Variants in PTPN22 observed in about 807,000 individuals in gnomAD.
PTPN22 encodes the protein protein tyrosine phosphatase non-receptor type 22.
Under a neutral mutation model 103.3 loss-of-function variants are expected in PTPN22, and 85 were observed. That is an observed-to-expected ratio of 0.82 (90% confidence interval 0.69 to 0.99). PTPN22 has a LOEUF of 0.99. PTPN22 is among the 50% of genes least tolerant of loss of function. PTPN22 has a pLI of 0.00. For synonymous variants in PTPN22, 323 were observed against 310.2 expected, an observed-to-expected ratio of 1.04 and a Z score of -0.43; for missense variants, 865 against 936.9, an observed-to-expected ratio of 0.92 and a Z score of 1.00.
chr1:113,864,748 T>C (rs1665968963), intron 1 of PTPN22, among the ~76,000 whole-genome samples: 1 of 150,404 alleles, frequency 6.6e-6, no homozygotes, highest in East Asian at 2.0e-4. Flanking sequence ...TTGTCTCTAC[T>C]AAAAACACAA....
At chr1:113,826,999 C>T (rs1447095384) in intron 18 of PTPN22, among the ~76,000 whole-genome samples, 3 of 152,136 alleles carry the variant, frequency 2.0e-5, no homozygotes, top group African/African-American at 7.2e-5. Context: ...TTCAAGGAAC[C>T]TACCCAAATT....
chr1:113,843,541 T>C (rs966802749), intron 11 of PTPN22, among the ~76,000 whole-genome samples: 1 of 151,800 alleles, frequency 6.6e-6, no homozygotes, highest in Non-Finnish European at 1.5e-5. Context: ...GAGGGGAGAA[T>C]AGGGAGTTAT....
At position 113,838,438 on chromosome 1, in the gene PTPN22, C is replaced by T. The variant is rs748302810; in HGVS notation, c.993-31G>A. 11 of 1,585,098 alleles carry T rather than the reference C, an allele frequency of 6.9e-6. No individual in the cohort carries two copies. The Admixed American group carries it at 1.8e-4, about 26-fold the overall frequency. On this transcript the variant is annotated intron_variant, in intron 12 of 20. Coordinates refer to ENST00000359785, the Ensembl canonical transcript of PTPN22. ...ACAAAAAGAAAGCGTAATGATGACA[C>T]CATACCCCAAACAGGCCGCTTCCTA... is the stretch of plus-strand genomic sequence containing the variant.
rs181066408 is a variant in PTPN22, at chr1:113,842,052, A to T, written c.916-3432T>A. Among the ~76,000 whole-genome samples the T allele has an allele frequency of 1.1e-3, 163 of 151,742 alleles. 1 individual carries two copies. The highest frequency in any genetic ancestry group is 7.9e-3 in the East Asian group (41 of 5,166). ...AGACCCTGTCTCTAAAAAAAAAATT[A>T]AAAAAAAATTAGCTTGGTGTGGTAG... On this transcript the variant is annotated intron_variant, in intron 11 of 20. Coordinates refer to ENST00000359785, the Ensembl canonical transcript of PTPN22.
chr1:113,835,908 C>T (rs1320248476), intron 13 of PTPN22, among the ~76,000 whole-genome samples: 1 of 147,252 alleles, frequency 6.8e-6, no homozygotes, highest in East Asian at 1.9e-4. Context: ...TTGTTACAAT[C>T]CCTGAAAATA....
At chr1:113,851,604 C>A (rs1021924015) in intron 10 of PTPN22, among the ~76,000 whole-genome samples, 1 of 152,120 alleles carries the variant, frequency 6.6e-6, no homozygotes, top group Admixed American at 6.5e-5. Context: ...AGACTGAATT[C>A]TCCATATTCT....
chr1:113,847,297 C>T, intron 11 of PTPN22, among the ~76,000 whole-genome samples: 1 of 136,598 alleles, frequency 7.3e-6, no homozygotes, highest in Non-Finnish European at 1.6e-5. Context: ...ATGTTTTTAC[C>T]TTTTTTATTT....
chr1:113,859,703 A>T (rs1665402120), intron 1 of PTPN22, among the ~76,000 whole-genome samples: 1 of 152,240 alleles, frequency 6.6e-6, no homozygotes. Flanking sequence ...CTTAAAAGTG[A>T]AACTTGTGAA....
In PTPN22 at chr1:113,863,920, TA is replaced by T. The variant is rs201185599; in HGVS notation, c.88-4461del. Among the ~76,000 whole-genome samples, 822 of 102,422 alleles carry T rather than the reference TA, an allele frequency of 8.0e-3. 3 individuals carry two copies. Among genetic ancestry groups the T allele is most frequent in the South Asian group, 0.011 (39 of 3,630 alleles). 67.2% of individuals were successfully genotyped at this position (102,422 alleles called of 152,430 possible). A position where few individuals can be genotyped will look rare whatever the true frequency, so the allele number is the denominator to read the frequency against. On this transcript the variant is annotated intron_variant, in intron 1 of 20. Transcript: ENST00000359785. ...TATATTTAATAAATATATATATATATATATATATTTTTTTTTGACATGGGAT... is the reference window on the plus strand; with the variant it reads ...TATATTTAATAAATATATATATATATTATATATTTTTTTTTGACATGGGAT...
chr1:113,851,092 G>T (rs990139462), intron 10 of PTPN22, among the ~76,000 whole-genome samples: 10 of 152,208 alleles, frequency 6.6e-5, no homozygotes, highest in Non-Finnish European at 1.5e-4. Flanking sequence ...CTAATGGAGT[G>T]AACAAGTATG....
At chr1:113,864,759 A>C (rs1340837378) in intron 1 of PTPN22, among the ~76,000 whole-genome samples, 1 of 152,130 alleles carries the variant, frequency 6.6e-6, no homozygotes, top group Non-Finnish European at 1.5e-5. Flanking sequence ...AAAAACACAA[A>C]AAATTAGCCG....
chr1:113,869,130 C>T (rs1016367855), intron 1 of PTPN22, among the ~76,000 whole-genome samples: 2 of 152,148 alleles, frequency 1.3e-5, no homozygotes, highest in Admixed American at 1.3e-4. Context: ...GCAGGAAAAT[C>T]GCTTGAACCA....
rs115270552 is a variant in PTPN22 at position 113,840,070 on chromosome 1, G to A, written c.916-1450C>T. On this transcript the variant is annotated intron_variant, in intron 11 of 20. Coordinates refer to ENST00000359785, the Ensembl canonical transcript of PTPN22. Reference sequence around the variant, plus strand: ...CTATTAAAAATATAAAAATTAGCCGGGCATGTGGTGCACACCTGTAATCCC... The same window carrying A: ...CTATTAAAAATATAAAAATTAGCCGAGCATGTGGTGCACACCTGTAATCCC... Among the ~76,000 whole-genome samples, 815 of 151,960 alleles carry A rather than the reference G, an allele frequency of 5.4e-3. 7 individuals are homozygous for A. Among genetic ancestry groups the A allele is most frequent in the African/African-American group, 0.019 (777 of 41,468 alleles).
At position 113,834,996 on chromosome 1, in the gene PTPN22, A is replaced by G. The variant is rs764452667; in HGVS notation, c.1811-3T>C. Reference sequence around the variant, plus strand: ...ATCATCTATCCTTGGAGCAGTTGCTATCCAAAATGTCAAAAATATTGTAAC... The same window carrying G: ...ATCATCTATCCTTGGAGCAGTTGCTGTCCAAAATGTCAAAAATATTGTAAC... On this transcript the variant is annotated splice_region_variant and splice_polypyrimidine_tract_variant and intron_variant, in intron 13 of 20. Transcript: ENST00000359785. 7 of 1,522,840 alleles carry G rather than the reference A, an allele frequency of 4.6e-6. No homozygotes were observed. The South Asian group carries it at 8.9e-5, about 19-fold the overall frequency. 94.3% of individuals were successfully genotyped at this position (1,522,840 alleles called of 1,614,324 possible). A position where few individuals can be genotyped will look rare whatever the true frequency, so the allele number is the denominator to read the frequency against.
exon 13 of PTPN22, chr1:113,837,986 A>G (rs1368807286): frequency 6.2e-7 from 1 of 1,614,004 alleles, no homozygotes; most frequent in African/African-American, 1.3e-5. Flanking sequence ...TGAGATTCCA[A>G]ATAAGAAAAG....
chr1:113,847,811 C>T (rs1044230081), intron 11 of PTPN22, among the ~76,000 whole-genome samples: 36 of 150,478 alleles, frequency 2.4e-4, no homozygotes, highest in Non-Finnish European at 4.2e-4. Context: ...ACTCCTGATC[C>T]CAGGTCAAGA....
At chr1:113,866,342 C>G (rs1051028656) in intron 1 of PTPN22, among the ~76,000 whole-genome samples, 2 of 152,098 alleles carry the variant, frequency 1.3e-5, no homozygotes, top group Non-Finnish European at 2.9e-5. Context: ...GAAACCCCAT[C>G]TCTACTAAAA....
chr1:113,820,449 C>A (rs1419172859), intron 19 of PTPN22, among the ~76,000 whole-genome samples: 1 of 152,056 alleles, frequency 6.6e-6, no homozygotes, highest in Non-Finnish European at 1.5e-5. Context: ...GGTGACAGAG[C>A]AAGACCCTGT....
chr1:113,851,954 T>C, intron 10 of PTPN22, 73 bp downstream of exon 10: 1 of 1,154,678 alleles, frequency 8.7e-7, no homozygotes, highest in African/African-American at 1.5e-5. Context: ...TCAGCTGTTT[T>C]TGGATGCCTC....
Sources: gnomAD v4.1 joint callset for allele counts (sites outside exome capture counted in the v4.1 genomes callset) on GRCh38, gnomAD v4.1.1 for gene constraint, MANE v1.5 for transcripts, NCBI Gene and HGNC (gene_info 2026-07-23, HGNC 2026-07-21) for gene names.